The following ZMAT4 variants were observed in gnomAD, a reference collection of about 807,000 sequenced individuals.
ZMAT4 encodes the protein zinc finger matrin-type protein 4.
In ZMAT4, 17 loss-of-function variants were observed where a neutral mutation model predicts 28.7. The observed-to-expected ratio is 0.59, with a 90% CI of 0.41 to 0.89. ZMAT4 has a LOEUF of 0.89. ZMAT4 is among the 40% of genes least tolerant of loss of function. The pLI is 0.00. For missense variants in ZMAT4, 240 were observed against 283.8 expected, an observed-to-expected ratio of 0.85 and a Z score of 1.11; for synonymous variants, 117 against 109.2, an observed-to-expected ratio of 1.07 and a Z score of -0.44.
At chr8:40,651,281 C>A (rs1031087306) in intron 5 of ZMAT4, among the ~76,000 whole-genome samples, 132 of 152,086 alleles carry the variant, frequency 8.7e-4, no homozygotes, top group African/African-American at 3.0e-3. Context: ...TATACACCAA[C>A]AACAGACAAA....
chr8:40,617,088 G>C (rs1037783089), intron 5 of ZMAT4, among the ~76,000 whole-genome samples: 5 of 152,084 alleles, frequency 3.3e-5, no homozygotes, highest in African/African-American at 1.2e-4. Flanking sequence ...ATGTCACAAT[G>C]TGATATCGTG....
At chr8:40,656,949 G>T (rs958886710) in intron 5 of ZMAT4, among the ~76,000 whole-genome samples, 1 of 152,144 alleles carries the variant, frequency 6.6e-6, no homozygotes. Context: ...ACAATCTCAT[G>T]AATATACTAA....
chr8:40,772,256 G>A (rs868018811), intron 2 of ZMAT4, among the ~76,000 whole-genome samples: 10 of 152,164 alleles, frequency 6.6e-5, no homozygotes, highest in Non-Finnish European at 1.0e-4. Flanking sequence ...ATTGTGCGGG[G>A]ACAGACCTAT....
At chr8:40,836,003 C>G (rs937184244) in intron 1 of ZMAT4, among the ~76,000 whole-genome samples, 3 of 152,194 alleles carry the variant, frequency 2.0e-5, no homozygotes, top group Non-Finnish European at 4.4e-5. Flanking sequence ...GTTGCAAAGG[C>G]AGAGGAAGGG....
chr8:40,776,914 C>A (rs1052381108), intron 2 of ZMAT4, among the ~76,000 whole-genome samples: 12 of 141,028 alleles, frequency 8.5e-5, no homozygotes, highest in Non-Finnish European at 1.7e-4. Flanking sequence ...GTGATAGCCA[C>A]CGATTTCTTT....
intron 5 of ZMAT4, among the ~76,000 whole-genome samples, chr8:40,646,882 G>A (rs181128938): frequency 3.3e-4 from 50 of 152,212 alleles, no homozygotes; most frequent in South Asian, 1.2e-3. Flanking sequence ...CACTTCACTC[G>A]TAAAAAACAG....
At chr8:40,850,907 C>A (rs750363209) in intron 1 of ZMAT4, among the ~76,000 whole-genome samples, 1 of 152,066 alleles carries the variant, frequency 6.6e-6, no homozygotes, top group South Asian at 2.1e-4. Context: ...TGTCTATGTG[C>A]GGCATATCTA....
chr8:40,882,148 C>T (rs1051476168), intron 1 of ZMAT4, among the ~76,000 whole-genome samples: 4 of 152,144 alleles, frequency 2.6e-5, no homozygotes, highest in African/African-American at 7.2e-5. Context: ...CGCCTCGGAG[C>T]TCATTCTGCA....
intron 3 of ZMAT4, among the ~76,000 whole-genome samples, chr8:40,759,577 C>A (rs1420776974): frequency 6.6e-6 from 1 of 152,142 alleles, no homozygotes; most frequent in Admixed American, 6.5e-5. Context: ...CGGCTGACAA[C>A]TTGATCTCAG....
chr8:40,783,404 G>C (rs574198312), intron 2 of ZMAT4, among the ~76,000 whole-genome samples: 1 of 152,160 alleles, frequency 6.6e-6, no homozygotes, highest in Non-Finnish European at 1.5e-5. Context: ...TTACAAAGGG[G>C]AGAATAGGCA....
chr8:40,820,718 C>T (rs62651859), intron 2 of ZMAT4, among the ~76,000 whole-genome samples: 79,666 of 101,004 alleles, frequency 0.79, 29,249 homozygotes, highest in East Asian at 0.87. Context: ...TGTATGGGTA[C>T]GTGTGTATGT....
At chr8:40,809,411 C>T (rs1378175365) in intron 2 of ZMAT4, among the ~76,000 whole-genome samples, 4 of 152,232 alleles carry the variant, frequency 2.6e-5, no homozygotes, top group Admixed American at 6.5e-5. Context: ...CCCTGGACCA[C>T]AGTATCATGC....
intron 1 of ZMAT4, among the ~76,000 whole-genome samples, chr8:40,882,624 C>T (rs1818320407): frequency 6.6e-6 from 1 of 152,158 alleles, no homozygotes. Flanking sequence ...CCACCAGCAG[C>T]GGCTTTTATC....
At chr8:40,653,095 A>T (rs538832493) in intron 5 of ZMAT4, among the ~76,000 whole-genome samples, 29 of 151,326 alleles carry the variant, frequency 1.9e-4, no homozygotes, top group Admixed American at 6.6e-4. Flanking sequence ...ATAATAATAA[A>T]AAAGAAATTT....
intron 1 of ZMAT4, among the ~76,000 whole-genome samples, chr8:40,852,420 A>G (rs1442353602): frequency 6.6e-6 from 1 of 152,218 alleles, no homozygotes; most frequent in Non-Finnish European, 1.5e-5. Context: ...TGTCTGCCTT[A>G]TTAAACGATA....
intron 1 of ZMAT4, among the ~76,000 whole-genome samples, chr8:40,881,691 C>T (rs775024194): frequency 6.6e-6 from 1 of 152,148 alleles, no homozygotes; most frequent in Non-Finnish European, 1.5e-5. Flanking sequence ...GGACTGATAA[C>T]ATGGATCAGC....
At chr8:40,742,087 AAAAAAAC>A (rs59686040) in intron 3 of ZMAT4, among the ~76,000 whole-genome samples, 3 of 148,608 alleles carry the variant, frequency 2.0e-5, no homozygotes, top group African/African-American at 7.4e-5. Context: ...AAAAATACAA[AAAAAAAC>A]AAAAAACAAA....
At chr8:40,646,807 T>A (rs1040396534) in intron 5 of ZMAT4, among the ~76,000 whole-genome samples, 1 of 152,092 alleles carries the variant, frequency 6.6e-6, no homozygotes, top group African/African-American at 2.4e-5. Context: ...TAGCAAAAGA[T>A]CAACAAGAAA....
intron 2 of ZMAT4, among the ~76,000 whole-genome samples, chr8:40,773,821 T>C (rs1813484353): frequency 6.6e-6 from 1 of 151,906 alleles, no homozygotes; most frequent in African/African-American, 2.4e-5. Context: ...TAGAGACAAT[T>C]TCTAGAATGC....
Sources: allele counts gnomAD v4.1 joint callset (sites outside exome capture counted in the v4.1 genomes callset), GRCh38; gene constraint gnomAD v4.1.1; transcripts MANE v1.5; gene names NCBI Gene and HGNC (gene_info 2026-07-23, HGNC 2026-07-21).